Variants in SFXN1 observed in about 807,000 individuals in gnomAD.
The protein encoded by SFXN1 is sideroflexin 1.
SFXN1 carries 32 observed loss-of-function variants against 39.5 expected under a neutral mutation model. The observed-to-expected ratio is 0.81, with a 90% CI of 0.61 to 1.09. The LOEUF (loss-of-function observed/expected upper bound fraction) is 1.09. SFXN1 is among the 50% of genes least tolerant of loss of function. The probability of loss-of-function intolerance (pLI) is 0.00; values close to 1 mark genes in which losing one functional copy is unlikely to be tolerated. For synonymous variants in SFXN1, 136 were observed against 146.5 expected (o/e 0.93, Z 0.52); for missense variants, 402 against 407.1 (o/e 0.99, Z 0.11).
intron 1 of SFXN1, among the ~76,000 whole-genome samples, chr5:175,486,401 C>G (rs1759451790): frequency 6.6e-6 from 1 of 152,260 alleles, no homozygotes; most frequent in Non-Finnish European, 1.5e-5. Flanking sequence ...GCATAATAAG[C>G]GCATTGGATA....
Position 175,512,210 on chromosome 5 carries a change from G to A in SFXN1, c.596+14G>A, listed in dbSNP as rs756056341. The A allele has an allele frequency of 6.2e-7, 1 of 1,609,628 alleles. No homozygotes were observed. The highest frequency in any genetic ancestry group is 1.7e-5 in the Admixed American group (1 of 59,974). On this transcript the variant is annotated intron_variant, in intron 6 of 10. Transcript: ENST00000321442. ...AATGAGGCAAAGGTAAGACGAATAT[G>A]CACTCTTAGTAGGGACATGTGCTTG...
At chr5:175,489,557 A>ACATT (rs1759582267) in intron 1 of SFXN1, among the ~76,000 whole-genome samples, 1 of 152,184 alleles carries the variant, frequency 6.6e-6, no homozygotes, top group South Asian at 2.1e-4. Context: ...GCATACAATG[A>ACATT]CATACATTTC....
Position 175,526,689 on chromosome 5 carries a change from G to C in SFXN1, c.924G>C (p.Glu308Asp). 1.2e-6 allele frequency: 2 copies of C among 1,614,174 alleles called. No homozygotes were observed. The highest frequency in any genetic ancestry group is 8.5e-7 in the Non-Finnish European group (1 of 1,179,992). The change falls in exon 11 of 11, where the codon GAG becomes GAC. Residue 308 changes from glutamate (E) to aspartate (D), a missense_variant. Glu to Asp is a conservative substitution (Grantham distance 45). Coordinates refer to ENST00000321442, the MANE Select transcript of SFXN1 (RefSeq NM_022754.7). ...CCGAGTTGCAAGCTAAGATCCAAGA[G>C]AGCCATCCTGAATTGCGACGCGTGT... ...LEAELQAKIQ[E>D]SHPELRRVYF...
chr5:175,485,636 A>G (rs886570960), intron 1 of SFXN1, among the ~76,000 whole-genome samples: 1 of 152,242 alleles, frequency 6.6e-6, no homozygotes. Flanking sequence ...TAGGTGCTCA[A>G]TAAATAGATA....
Position 175,522,367 on chromosome 5 carries a change from T to C in SFXN1, c.825-8T>C. ...AATGGTCTGACTTTTTTTTGTATTT[T>C]TTTTAAGTTTGGTGTTTGCTACACC... is the stretch of plus-strand genomic sequence containing the variant. On this transcript the variant is annotated splice_region_variant and splice_polypyrimidine_tract_variant and intron_variant, in intron 9 of 10. Coordinates refer to ENST00000321442, the MANE Select transcript of SFXN1 (RefSeq NM_022754.7). 1.3e-5 allele frequency: 20 copies of C among 1,579,194 alleles called. No individual in the cohort carries two copies. Among genetic ancestry groups the C allele is most frequent in the Non-Finnish European group, 1.7e-5 (20 of 1,171,386 alleles).
At chr5:175,500,069 T>C (rs923556183) in intron 2 of SFXN1, among the ~76,000 whole-genome samples, 1 of 152,130 alleles carries the variant, frequency 6.6e-6, no homozygotes, top group Non-Finnish European at 1.5e-5. Context: ...ATGCCTGTAA[T>C]CCCAGCTACT....
Position 175,526,767 on chromosome 5 carries a change from C to T in SFXN1, c.*33C>T, listed in dbSNP as rs772080678. 1.3e-6 allele frequency: 2 copies of T among 1,542,832 alleles called. No homozygotes were observed. Among genetic ancestry groups the T allele is most frequent in the East Asian group, 4.5e-5 (2 of 44,468 alleles). ...AGGAAACCTCTGCAGCTCATTCTGC[C>T]ACTGCAAAGCTGGTGTAGCCATGCT... is the stretch of plus-strand genomic sequence containing the variant. On this transcript the variant is annotated 3_prime_UTR_variant, in exon 11 of 11. Transcript: ENST00000321442.
chr5:175,498,972 C>A (rs923861966), intron 2 of SFXN1, among the ~76,000 whole-genome samples: 1 of 152,098 alleles, frequency 6.6e-6, no homozygotes, highest in African/African-American at 2.4e-5. Flanking sequence ...AATATCAAAC[C>A]AGCCAGGCGC....
chr5:175,484,843 GCACCAC>G (rs1561651049), intron 1 of SFXN1, among the ~76,000 whole-genome samples: 3 of 152,152 alleles, frequency 2.0e-5, no homozygotes. Flanking sequence ...TTACAGGTGC[GCACCAC>G]CACGCTCAGT....
chr5:175,492,338 T>C, intron 2 of SFXN1, 71 bp downstream of exon 2: 1 of 1,308,424 alleles, frequency 7.6e-7, no homozygotes, highest in Non-Finnish European at 1.0e-6. Context: ...TCTTTAAACC[T>C]TCACTTAGTG....
At chr5:175,488,591 G>A (rs71597331) in intron 1 of SFXN1, among the ~76,000 whole-genome samples, 8,981 of 152,154 alleles carry the variant, frequency 0.059, 388 homozygotes, top group South Asian at 0.12. Context: ...GAGCCACCAC[G>A]CCCGGCCGAC....
rs753471089 is a variant in SFXN1 at position 175,526,620 on chromosome 5, A to G, written c.873-18A>G. On this transcript the variant is annotated intron_variant, in intron 10 of 10. Coordinates refer to ENST00000321442, the MANE Select transcript of SFXN1 (RefSeq NM_022754.7). ...CCTCTGCCTGTGTAATAACCCTGTC[A>G]TTTCTCCCTTATCCCAGTTCCATGT... 6.2e-7 allele frequency: 1 copy of G among 1,609,182 alleles called. No homozygotes were observed. Among genetic ancestry groups the G allele is most frequent in the South Asian group, 1.1e-5 (1 of 90,948 alleles).
intron 3 of SFXN1, chr5:175,509,517 C>CTT: frequency 4.2e-5 from 7 of 165,738 alleles, no homozygotes; most frequent in East Asian, 1.6e-4. Flanking sequence ...CTCTGGGACT[C>CTT]TTTTTTTTTT....
intron 8 of SFXN1, among the ~76,000 whole-genome samples, chr5:175,517,360 A>G (rs1760742474): frequency 6.6e-6 from 1 of 151,314 alleles, no homozygotes; most frequent in Admixed American, 6.6e-5. Context: ...TGCCATGCCT[A>G]CTCTTCCCAC....
chr5:175,492,393 A>G (rs1363201556), intron 2 of SFXN1, 126 bp downstream of exon 2: 5 of 799,226 alleles, frequency 6.3e-6, no homozygotes, highest in Non-Finnish European at 9.4e-6. Flanking sequence ...TTGACCAAAA[A>G]AAAAAAAAGG....
intron 8 of SFXN1, among the ~76,000 whole-genome samples, chr5:175,516,945 G>A (rs1271666357): frequency 1.3e-5 from 2 of 152,192 alleles, no homozygotes; most frequent in African/African-American, 2.4e-5. Context: ...GAGATGATGT[G>A]AATTTGGAAT....
chr5:175,515,024 G>A (rs760352622), intron 7 of SFXN1, among the ~76,000 whole-genome samples: 3 of 151,908 alleles, frequency 2.0e-5, no homozygotes, highest in African/African-American at 2.4e-5. Flanking sequence ...TGTTGTCGTC[G>A]TTGTTTTTGA....
At chr5:175,487,659 T>C (rs1305856578) in intron 1 of SFXN1, among the ~76,000 whole-genome samples, 1 of 152,108 alleles carries the variant, frequency 6.6e-6, no homozygotes, top group African/African-American at 2.4e-5. Context: ...CGCATGACTT[T>C]AAATATAATC....
At chr5:175,480,367 C>G (rs577052777) in intron 1 of SFXN1, among the ~76,000 whole-genome samples, 13 of 152,042 alleles carry the variant, frequency 8.6e-5, no homozygotes, top group South Asian at 2.1e-4. Flanking sequence ...CGCCACTGCA[C>G]TCCAGCCTGG....
Sources: allele counts gnomAD v4.1 joint callset (sites outside exome capture counted in the v4.1 genomes callset), GRCh38; gene constraint gnomAD v4.1.1; transcripts MANE v1.5; gene names NCBI Gene and HGNC (gene_info 2026-07-23, HGNC 2026-07-21).